XIRP2: variants seen among roughly 807,000 people sequenced by gnomAD.
XIRP2 encodes the protein xin actin-binding repeat-containing protein 2.
A neutral mutation model predicts 277.0 loss-of-function variants in XIRP2; 236 were observed. That is an observed-to-expected ratio of 0.85 (90% CI 0.77 to 0.95). XIRP2 has a LOEUF of 0.95. XIRP2 is among the 40% of genes least tolerant of loss of function. XIRP2 has a pLI of 0.00. For missense variants in XIRP2, 4,640 were observed against 4,157.5 expected, an observed-to-expected ratio of 1.12 and a Z score of -3.19; for synonymous variants, 1,490 against 1,416.5, an observed-to-expected ratio of 1.05 and a Z score of -1.17.
chr2:167,130,299 A>G (rs1054999435), intron 2 of XIRP2, among the ~76,000 whole-genome samples: 4 of 152,120 alleles, frequency 2.6e-5, no homozygotes, highest in African/African-American at 9.7e-5. Context: ...ACCAACCATC[A>G]TGACTGTTAT....
intron 2 of XIRP2, among the ~76,000 whole-genome samples, chr2:167,039,914 A>C (rs762089996): frequency 2.6e-4 from 39 of 152,174 alleles, no homozygotes; most frequent in Non-Finnish European, 5.0e-4. Context: ...TTAGAAACTA[A>C]TGAGCCAAAA....
chr2:167,051,643 GT>G (rs1321029512), intron 2 of XIRP2, among the ~76,000 whole-genome samples: 1 of 152,002 alleles, frequency 6.6e-6, no homozygotes, highest in Non-Finnish European at 1.5e-5. Context: ...ATGTTAACAT[GT>G]AGATAAATTA....
At chr2:167,075,145 A>C (rs1297567805) in intron 2 of XIRP2, among the ~76,000 whole-genome samples, 32 of 152,302 alleles carry the variant, frequency 2.1e-4, no homozygotes, top group Middle Eastern at 3.4e-3. Context: ...AGCACCTAGA[A>C]CACTGCCTGG....
rs763395507 is a variant in XIRP2, at chr2:167,243,167, G to C, written c.1775G>C (p.Gly592Ala). 2 of 1,614,122 alleles carry C rather than the reference G, an allele frequency of 1.2e-6. No homozygotes were observed. Among genetic ancestry groups the C allele is most frequent in the Non-Finnish European group, 1.7e-6 (2 of 1,180,006 alleles). ...ENQPLDSINN[G>A]SPDEGDISRG... ...CAACCATTGGATTCCATCAACAATGGCTCTCCTGATGAAGGTGATATTTCC... is the reference window on the plus strand; with the variant it reads ...CAACCATTGGATTCCATCAACAATGCCTCTCCTGATGAAGGTGATATTTCC... The change falls in exon 9 of 11, where the codon GGC (glycine) becomes GCC (alanine). Residue 592 changes from glycine (G) to alanine (A), a missense_variant. By Grantham distance (60) the Gly-to-Ala change is moderately conservative. Transcript: ENST00000409195.
At chr2:167,133,706 T>G (rs1310209189) in intron 2 of XIRP2, among the ~76,000 whole-genome samples, 1 of 152,202 alleles carries the variant, frequency 6.6e-6, no homozygotes, top group African/African-American at 2.4e-5. Flanking sequence ...TTATCTCATC[T>G]TGTTTTTGCC....
At chr2:166,900,552 C>G (rs1684355349) in intron 1 of XIRP2, among the ~76,000 whole-genome samples, 1 of 151,914 alleles carries the variant, frequency 6.6e-6, no homozygotes, top group Non-Finnish European at 1.5e-5. Flanking sequence ...TCAAGTGTAT[C>G]TTGGACATTT....
At chr2:167,242,360 T>C (rs1214672468) in intron 8 of XIRP2, among the ~76,000 whole-genome samples, 1 of 152,174 alleles carries the variant, frequency 6.6e-6, no homozygotes, top group African/African-American at 2.4e-5. Flanking sequence ...ATAGCAAATA[T>C]AACTTTACAA....
intron 2 of XIRP2, among the ~76,000 whole-genome samples, chr2:166,968,795 A>G (rs996939688): frequency 1.3e-5 from 2 of 151,972 alleles, no homozygotes; most frequent in African/African-American, 4.8e-5. Context: ...ATGTACGAAT[A>G]TAAGTCTTGA....
At chr2:167,152,989 C>T (rs548453831) in intron 3 of XIRP2, among the ~76,000 whole-genome samples, 11 of 152,224 alleles carry the variant, frequency 7.2e-5, no homozygotes, top group South Asian at 6.2e-4. Context: ...GCAACCTCTG[C>T]GTGTATCTAC....
At chr2:167,183,924 CTTAA>C (rs1225211613) in intron 3 of XIRP2, among the ~76,000 whole-genome samples, 13 of 152,128 alleles carry the variant, frequency 8.5e-5, no homozygotes, top group Non-Finnish European at 1.2e-4. Flanking sequence ...CGCTGACCGC[CTTAA>C]TTTATTTATT....
At chr2:167,025,822 G>A (rs1688135978) in intron 2 of XIRP2, among the ~76,000 whole-genome samples, 1 of 152,200 alleles carries the variant, frequency 6.6e-6, no homozygotes, top group Non-Finnish European at 1.5e-5. Flanking sequence ...CTGAGAGACA[G>A]TTTGTTATAA....
At chr2:167,031,735 A>T (rs997949843) in intron 2 of XIRP2, among the ~76,000 whole-genome samples, 1 of 152,088 alleles carries the variant, frequency 6.6e-6, no homozygotes, top group African/African-American at 2.4e-5. Context: ...ACCTAGGAGT[A>T]TAACTTAAAA....
At chr2:167,058,083 G>A (rs1180073743) in intron 2 of XIRP2, among the ~76,000 whole-genome samples, 1 of 93,650 alleles carries the variant, frequency 1.1e-5, no homozygotes, top group Non-Finnish European at 2.2e-5. Context: ...TATTTTTTGA[G>A]ACAGAGTCTT....
chr2:167,241,120 C>T (rs1189017266), intron 7 of XIRP2, among the ~76,000 whole-genome samples: 2 of 152,092 alleles, frequency 1.3e-5, no homozygotes, highest in African/African-American at 2.4e-5. Flanking sequence ...AAGTCTGGCT[C>T]TCCAACCTGT....
At chr2:166,977,145 G>C (rs1686736601) in intron 2 of XIRP2, among the ~76,000 whole-genome samples, 1 of 151,608 alleles carries the variant, frequency 6.6e-6, no homozygotes, top group African/African-American at 2.4e-5. Context: ...CAAGATTTTT[G>C]CAAAATCCTT....
intron 2 of XIRP2, among the ~76,000 whole-genome samples, chr2:166,944,740 C>T (rs1054247587): frequency 6.6e-6 from 1 of 152,088 alleles, no homozygotes; most frequent in Admixed American, 6.6e-5. Flanking sequence ...TTCACAAAAT[C>T]CCTATGACCT....
At chr2:167,071,433 C>T (rs991587836) in intron 2 of XIRP2, among the ~76,000 whole-genome samples, 15 of 152,222 alleles carry the variant, frequency 9.9e-5, no homozygotes, top group East Asian at 1.9e-4. Flanking sequence ...GGTTCCGACA[C>T]GCCGGAACAA....
intron 3 of XIRP2, among the ~76,000 whole-genome samples, chr2:167,171,428 T>C (rs1692686520): frequency 2.0e-5 from 3 of 152,206 alleles, no homozygotes; most frequent in South Asian, 2.1e-4. Context: ...TCTAATTTAA[T>C]GTAATTGTGC....
chr2:167,010,537 T>G (rs932753598), intron 2 of XIRP2, among the ~76,000 whole-genome samples: 5 of 152,158 alleles, frequency 3.3e-5, no homozygotes, highest in Non-Finnish European at 5.9e-5. Context: ...GGCTTAGGAT[T>G]GACTTGGCAA....
Sources: gnomAD v4.1 joint callset for allele counts (sites outside exome capture counted in the v4.1 genomes callset) on GRCh38, gnomAD v4.1.1 for gene constraint, MANE v1.5 for transcripts, NCBI Gene and HGNC (gene_info 2026-07-23, HGNC 2026-07-21) for gene names.